PARD3B: variants seen among roughly 807,000 people sequenced by gnomAD.
PARD3B encodes partitioning defective 3 homolog B.
In PARD3B, 103 loss-of-function variants were observed where a neutral mutation model predicts 130.2. The ratio of observed to expected loss-of-function variants is 0.79; its 90% CI spans 0.67 to 0.93. The LOEUF (loss-of-function observed/expected upper bound fraction) is 0.93. Ranked by LOEUF, PARD3B falls within the 40% of genes least tolerant of loss-of-function variation. PARD3B has a pLI of 0.00. For missense variants in PARD3B, 1,609 were observed against 1,499.2 expected, an observed-to-expected ratio of 1.07 and a Z score of -1.21; for synonymous variants, 583 against 553.2, an observed-to-expected ratio of 1.05 and a Z score of -0.76.
intron 2 of PARD3B, among the ~76,000 whole-genome samples, chr2:204,769,442 A>G (rs1392654655): frequency 6.3e-5 from 2 of 31,854 alleles, no homozygotes; most frequent in Admixed American, 3.9e-4. Context: ...ATGTTCATCA[A>G]GGATATTGGT....
In PARD3B at chr2:205,591,271, T is replaced by C. The variant is rs958703034; in HGVS notation, c.3261-24185T>C. ...TTTCAATGAACATAGTCCATACATT[T>C]TGGGAAAGTGGTAATAACTTGCTTC... is the stretch of plus-strand genomic sequence containing the variant. On this transcript the variant is annotated intron_variant, in intron 22 of 22. Coordinates refer to ENST00000406610, the MANE Select transcript of PARD3B (RefSeq NM_001302769.2). The surrounding 1 kb of genome is among the most constrained non-coding windows in gnomAD (Gnocchi z 4.2). Among the ~76,000 whole-genome samples the C allele has an allele frequency of 1.3e-5, 2 of 152,206 alleles. No homozygotes were observed. The highest frequency in any genetic ancestry group is 4.8e-5 in the African/African-American group (2 of 41,446).
chr2:205,614,716 T>C (rs1052212917), intron 22 of PARD3B, among the ~76,000 whole-genome samples: 1 of 146,112 alleles, frequency 6.8e-6, no homozygotes, highest in African/African-American at 2.5e-5. Context: ...AAAAAAAAAA[T>C]TAAAAAAAAA....
intron 2 of PARD3B, among the ~76,000 whole-genome samples, chr2:204,834,873 T>C (rs779527155): frequency 3.9e-5 from 6 of 152,198 alleles, no homozygotes; most frequent in Non-Finnish European, 8.8e-5. Flanking sequence ...TAATTGTTTT[T>C]AGTCCTGATT....
At chr2:204,706,119 G>A (rs2038135316) in intron 2 of PARD3B, among the ~76,000 whole-genome samples, 1 of 152,100 alleles carries the variant, frequency 6.6e-6, no homozygotes, top group Admixed American at 6.5e-5. Context: ...TAAGAGTAAG[G>A]AGAATTGGGA....
At chr2:205,467,773 C>T (rs1559121408) in intron 20 of PARD3B, among the ~76,000 whole-genome samples, 3 of 152,112 alleles carry the variant, frequency 2.0e-5, no homozygotes, top group Non-Finnish European at 4.4e-5. Flanking sequence ...CACTGGAGTC[C>T]AGGGCAGCGA....
chr2:205,436,719 T>G (rs994278927), intron 19 of PARD3B, among the ~76,000 whole-genome samples: 1 of 152,094 alleles, frequency 6.6e-6, no homozygotes, highest in African/African-American at 2.4e-5. Context: ...TACTCTGCCC[T>G]GGTGGCTTCT....
chr2:205,033,902 A>G lies in PARD3B; in HGVS notation c.395-13679A>G, dbSNP rs924158677. 2.6e-5 allele frequency among the ~76,000 whole-genome samples: 4 copies of G among 152,182 alleles called. No homozygotes were observed. In the South Asian group the frequency reaches 8.3e-4, roughly 32 times the overall value. ...CCACAGTAATTGACGAGATTGAGTC[A>G]GTATCTCTGTGCATCTACTGGGATT... On this transcript the variant is annotated intron_variant, in intron 3 of 22. Coordinates refer to ENST00000406610, the MANE Select transcript of PARD3B (RefSeq NM_001302769.2).
chr2:205,135,517 GT>G (rs2032405107), intron 10 of PARD3B, among the ~76,000 whole-genome samples: 1 of 151,514 alleles, frequency 6.6e-6, no homozygotes, highest in South Asian at 2.1e-4. Flanking sequence ...CATCTGCCTG[GT>G]TTTCCAGGAA....
chr2:204,562,103 C>T (rs141372738), intron 1 of PARD3B, among the ~76,000 whole-genome samples: 2,808 of 152,222 alleles, frequency 0.018, 56 homozygotes, highest in Non-Finnish European at 0.023. Context: ...CAGCCTGAAA[C>T]AAAAGTTTCA....
intron 1 of PARD3B, among the ~76,000 whole-genome samples, chr2:204,604,023 T>C (rs1205090102): frequency 6.6e-6 from 1 of 152,144 alleles, no homozygotes; most frequent in Non-Finnish European, 1.5e-5. Flanking sequence ...GTAATAAATA[T>C]TTGTTGAAGG....
At chr2:204,998,312 GTATATATATATATA>G (rs771546892) in intron 3 of PARD3B, among the ~76,000 whole-genome samples, 44 of 51,972 alleles carry the variant, frequency 8.5e-4, no homozygotes, top group African/African-American at 1.7e-3. Context: ...AGAACTTAAA[GTATATATATATATA>G]TATATATATA....
intron 1 of PARD3B, among the ~76,000 whole-genome samples, chr2:204,624,498 G>A (rs2034417276): frequency 6.6e-6 from 1 of 152,114 alleles, no homozygotes; most frequent in African/African-American, 2.4e-5. Context: ...TCAGAATCTT[G>A]AAAAGGTATT....
intron 2 of PARD3B, among the ~76,000 whole-genome samples, chr2:204,732,471 G>C (rs1217914878): frequency 6.6e-6 from 1 of 151,514 alleles, no homozygotes; most frequent in East Asian, 1.9e-4. Flanking sequence ...TAAGATTACA[G>C]TGTTAATTAT....
intron 10 of PARD3B, among the ~76,000 whole-genome samples, chr2:205,150,213 G>GTA (rs2033649507): frequency 2.2e-5 from 2 of 89,638 alleles, no homozygotes; most frequent in Admixed American, 2.6e-4. Context: ...GCCAGGCTCT[G>GTA]TGTGTGTGTG....
rs565025407 is a variant in PARD3B at position 205,224,026 on chromosome 2, TGCACTCCA to T, written c.2141-21749_2141-21742del. On this transcript the variant is annotated intron_variant, in intron 15 of 22. Coordinates refer to ENST00000406610, the MANE Select transcript of PARD3B (RefSeq NM_001302769.2). ...TTACAGTGAGCCAAGATCACACCAC[TGCACTCCA>T]GCCTGGGTGACAGAGTGAGACTCCA... Among the ~76,000 whole-genome samples, 611 of 149,148 alleles carry T rather than the reference TGCACTCCA, an allele frequency of 4.1e-3. 1 individual carries two copies. Among genetic ancestry groups the T allele is most frequent in the African/African-American group, 0.014 (564 of 40,294 alleles).
chr2:204,772,958 A>C (rs906880100), intron 2 of PARD3B, among the ~76,000 whole-genome samples: 2 of 151,836 alleles, frequency 1.3e-5, no homozygotes, highest in African/African-American at 4.8e-5. Flanking sequence ...TTTCTCCCTC[A>C]CCTTGGATGC....
chr2:205,315,345 A>C (rs745646724), intron 18 of PARD3B, among the ~76,000 whole-genome samples: 3 of 152,158 alleles, frequency 2.0e-5, no homozygotes, highest in Non-Finnish European at 4.4e-5. Flanking sequence ...TAAACGAGAT[A>C]ATAGATGATA....
intron 3 of PARD3B, among the ~76,000 whole-genome samples, chr2:205,046,154 C>A (rs925386381): frequency 4.6e-5 from 7 of 151,904 alleles, no homozygotes; most frequent in Non-Finnish European, 8.8e-5. Context: ...GGAACTTAGT[C>A]TTCAGATTAC....
chr2:205,268,228 T>G lies in PARD3B; in HGVS notation c.2185+22406T>G, dbSNP rs1201166454. ...TGATCACAAAATAAATTAGCAGTTT[T>G]GCATCACGATGTCTTGTGACATACA... is the stretch of plus-strand genomic sequence containing the variant. On this transcript the variant is annotated intron_variant, in intron 16 of 22. Transcript: ENST00000406610. This position sits in a 1 kb window ranked among gnomAD's most constrained non-coding sequence, Gnocchi z 4.1. Among the ~76,000 whole-genome samples the G allele has an allele frequency of 6.6e-6, 1 of 152,246 alleles. No homozygotes were observed. Among genetic ancestry groups the G allele is most frequent in the African/African-American group, 2.4e-5 (1 of 41,462 alleles).
Sources: allele counts gnomAD v4.1 joint callset (sites outside exome capture counted in the v4.1 genomes callset), GRCh38; gene constraint gnomAD v4.1.1; non-coding constraint Gnocchi (gnomAD v3.1); transcripts MANE v1.5; gene names NCBI Gene and HGNC (gene_info 2026-07-23, HGNC 2026-07-21).